Variants in CMSS1 observed in about 807,000 individuals in gnomAD.
CMSS1 encodes protein CMSS1.
Under a neutral mutation model 43.5 loss-of-function variants are expected in CMSS1, and 33 were observed. That is an observed-to-expected ratio of 0.76 (90% CI 0.57 to 1.01). The LOEUF (loss-of-function observed/expected upper bound fraction) is 1.01. Among genes scored for constraint, CMSS1 ranks in the 50% least tolerant of loss-of-function variants. The pLI, the probability that CMSS1 is intolerant of heterozygous loss-of-function variation, is 0.00. For missense variants in CMSS1, 313 were observed against 326.4 expected (o/e 0.96, Z 0.32); for synonymous variants, 115 against 117.2 (o/e 0.98, Z 0.12).
chr3:100,173,380 G>A (rs2067125824), intron 8 of CMSS1, among the ~76,000 whole-genome samples: 2 of 152,116 alleles, frequency 1.3e-5, no homozygotes, highest in South Asian at 2.1e-4. Context: ...TTACAGGCTA[G>A]CCTTTTTATT....
intron 1 of CMSS1, chr3:100,023,558 G>A (rs781288359): frequency 6.6e-6 from 1 of 152,590 alleles, no homozygotes; most frequent in African/African-American, 2.4e-5. Context: ...TTCTTGGGGG[G>A]AGAGAACATT....
chr3:100,039,992 A>T (rs573648217), intron 1 of CMSS1: 1 of 152,320 alleles, frequency 6.6e-6, no homozygotes, highest in East Asian at 1.9e-4. Context: ...TGACCTCATC[A>T]TCCGCCCACC....
chr3:99,948,165 C>A (rs1354307882), intron 1 of CMSS1, among the ~76,000 whole-genome samples: 18 of 152,144 alleles, frequency 1.2e-4, no homozygotes, highest in Non-Finnish European at 1.5e-5. Context: ...GGTTACCAAA[C>A]AGTATACCAA....
chr3:100,126,663 T>A (rs1437109350), intron 1 of CMSS1, among the ~76,000 whole-genome samples: 3 of 152,198 alleles, frequency 2.0e-5, no homozygotes, highest in Non-Finnish European at 4.4e-5. Context: ...TAGAATAAGA[T>A]GATCTATAGT....
At chr3:99,866,241 T>A (rs1454817334) in intron 1 of CMSS1, among the ~76,000 whole-genome samples, 1 of 152,120 alleles carries the variant, frequency 6.6e-6, no homozygotes, top group African/African-American at 2.4e-5. Context: ...TTCACCACAT[T>A]TAATAAAAAG....
chr3:100,168,929 A>G (rs537168231), intron 6 of CMSS1, among the ~76,000 whole-genome samples: 1 of 151,844 alleles, frequency 6.6e-6, no homozygotes, highest in African/African-American at 2.4e-5. Flanking sequence ...ACACACACAC[A>G]CGCACTCTGA....
chr3:99,821,443 T>C (rs553214214), intron 1 of CMSS1, among the ~76,000 whole-genome samples: 15 of 152,228 alleles, frequency 9.9e-5, no homozygotes, highest in African/African-American at 3.6e-4. Context: ...ATAAGACAGC[T>C]GGGAGTTACA....
At chr3:100,162,602 G>A (rs1287344900) in intron 4 of CMSS1, among the ~76,000 whole-genome samples, 170 bp downstream of exon 4, 1 of 152,158 alleles carries the variant, frequency 6.6e-6, no homozygotes, top group Non-Finnish European at 1.5e-5. Flanking sequence ...GAGCCCAGGT[G>A]TTTGAAACCA....
chr3:100,118,852 G>A (rs1253743062), intron 1 of CMSS1, among the ~76,000 whole-genome samples: 1 of 152,144 alleles, frequency 6.6e-6, no homozygotes, highest in Non-Finnish European at 1.5e-5. Context: ...AAAGAATTGT[G>A]AGTCCATAAA....
intron 1 of CMSS1, among the ~76,000 whole-genome samples, chr3:99,866,415 C>A (rs538907881): frequency 1.3e-5 from 2 of 152,068 alleles, no homozygotes; most frequent in Middle Eastern, 6.8e-3. Context: ...AATTTAGAAA[C>A]CACAACAACA....
chr3:100,007,245 C>A (rs1710013728), intron 1 of CMSS1, among the ~76,000 whole-genome samples: 1 of 152,116 alleles, frequency 6.6e-6, no homozygotes. Flanking sequence ...TGGTTTGAGT[C>A]TCTCAGACAT....
intron 1 of CMSS1, among the ~76,000 whole-genome samples, chr3:99,859,442 G>A (rs919440786): frequency 1.3e-5 from 2 of 152,120 alleles, no homozygotes; most frequent in African/African-American, 4.8e-5. Context: ...ACTTCATTTT[G>A]ATGGGCTTAA....
chr3:99,949,947 T>C lies in CMSS1; in HGVS notation c.64+131904T>C, dbSNP rs1708126867. Among the ~76,000 whole-genome samples, 2 of 152,232 alleles carry C rather than the reference T, an allele frequency of 1.3e-5. 1 individual carries two copies. Among genetic ancestry groups the C allele is most frequent in the Admixed American group, 1.3e-4 (2 of 15,290 alleles). On this transcript the variant is annotated intron_variant, in intron 1 of 9. Coordinates refer to ENST00000421999, the MANE Select transcript of CMSS1 (RefSeq NM_032359.4). ...TTGTTCTGTTGCTGCTTTATACATATTCTTGGATATCATTAATTATTTCCC... is the reference window on the plus strand; with the variant it reads ...TTGTTCTGTTGCTGCTTTATACATACTCTTGGATATCATTAATTATTTCCC...
rs1322867573 is a variant in CMSS1, at chr3:100,180,806, C to G, written c.*2418C>G. Reference sequence around the variant, plus strand: ...TTTTAGGTATCTTTATAGAAATGTCCCACTTCTCTGGTACCAATTTTTTGT... The same window carrying G: ...TTTTAGGTATCTTTATAGAAATGTCGCACTTCTCTGGTACCAATTTTTTGT... On this transcript the variant is annotated 3_prime_UTR_variant, in exon 10 of 10. Coordinates refer to ENST00000421999, the MANE Select transcript of CMSS1 (RefSeq NM_032359.4). The G allele has an allele frequency of 6.6e-6, 1 of 152,044 alleles. No homozygotes were observed. The highest frequency in any genetic ancestry group is 2.4e-5 in the African/African-American group (1 of 41,368). 9.4% of individuals were successfully genotyped at this position (152,044 alleles called of 1,614,324 possible). A position where few individuals can be genotyped will look rare whatever the true frequency, so the allele number is the denominator to read the frequency against.
chr3:99,924,881 G>C (rs1417989866), intron 1 of CMSS1, among the ~76,000 whole-genome samples: 1 of 152,026 alleles, frequency 6.6e-6, no homozygotes, highest in African/African-American at 2.4e-5. Context: ...GATACTTTTG[G>C]GTGCATTTCA....
intron 1 of CMSS1, among the ~76,000 whole-genome samples, chr3:99,992,097 C>G (rs776618011): frequency 2.0e-5 from 3 of 151,264 alleles, no homozygotes; most frequent in Non-Finnish European, 4.4e-5. Flanking sequence ...AATTCTGTAT[C>G]TTTGCTATTG....
chr3:100,053,125 TCC>T (rs1233303553), intron 1 of CMSS1, among the ~76,000 whole-genome samples: 1 of 152,166 alleles, frequency 6.6e-6, no homozygotes, highest in Non-Finnish European at 1.5e-5. Flanking sequence ...TATATATTGC[TCC>T]AATTTGGGGC....
chr3:99,872,518 C>T (rs904833654), intron 1 of CMSS1, among the ~76,000 whole-genome samples: 1 of 152,148 alleles, frequency 6.6e-6, no homozygotes, highest in Middle Eastern at 3.4e-3. Flanking sequence ...TCCTGTCTGT[C>T]CCAATCATAC....
At chr3:100,048,453 G>T (rs545180988) in intron 1 of CMSS1, among the ~76,000 whole-genome samples, 1 of 152,228 alleles carries the variant, frequency 6.6e-6, no homozygotes, top group East Asian at 1.9e-4. Context: ...TGCAGCTGTG[G>T]CTAACCGAGG....
Sources: gnomAD v4.1 joint callset for allele counts (sites outside exome capture counted in the v4.1 genomes callset) on GRCh38, gnomAD v4.1.1 for gene constraint, MANE v1.5 for transcripts, NCBI Gene and HGNC (gene_info 2026-07-23, HGNC 2026-07-21) for gene names.